HTR7: variants seen among roughly 807,000 people sequenced by gnomAD.
HTR7 encodes 5-hydroxytryptamine receptor 7.
Under a neutral mutation model 34.0 loss-of-function variants are expected in HTR7, and 16 were observed. The observed-to-expected ratio is 0.47, with a 90% CI of 0.32 to 0.71. The LOEUF is 0.71. Ranked by LOEUF, HTR7 falls within the 30% of genes least tolerant of loss-of-function variation. The pLI, the probability that HTR7 is intolerant of heterozygous loss-of-function variation, is 0.04. For synonymous variants in HTR7, 265 were observed against 260.2 expected (o/e 1.02, Z -0.18); for missense variants, 504 against 625.5 (o/e 0.81, Z 2.07).
intron 1 of HTR7, among the ~76,000 whole-genome samples, chr10:90,820,614 C>G (rs953888304): frequency 6.6e-6 from 1 of 152,134 alleles, no homozygotes; most frequent in Non-Finnish European, 1.5e-5. Flanking sequence ...CAGAACAAAA[C>G]GTCAACATAG....
rs1846596834 is a variant in HTR7 at position 90,857,202 on chromosome 10, A to G, written c.470T>C (p.Val157Ala). ...GCACATGACGTCCATGGCGATGAAG[A>G]CATTACAGAAAAAGTGTCCAAAGAT... ...KWIFGHFFCNVFIAMDVMCCT... is the reference protein window; with the variant it reads ...KWIFGHFFCNAFIAMDVMCCT... The change falls in exon 1 of 4, where the codon GTC becomes GCC. Residue 157 changes from valine (V) to alanine (A), a missense_variant. Coordinates refer to ENST00000336152, the MANE Select transcript of HTR7 (RefSeq NM_019859.4). The surrounding 1 kb of genome is among the most constrained non-coding windows in gnomAD (Gnocchi z 6.5). 1.2e-6 allele frequency: 2 copies of G among 1,613,932 alleles called. No homozygotes were observed. The highest frequency in any genetic ancestry group is 2.7e-5 in the African/African-American group (2 of 74,916).
At chr10:90,816,965 G>T (rs943073000) in intron 1 of HTR7, among the ~76,000 whole-genome samples, 11 of 152,118 alleles carry the variant, frequency 7.2e-5, no homozygotes. Flanking sequence ...ATGCCATCTG[G>T]CCTAGAACAC....
At chr10:90,770,882 G>A (rs372532234) in intron 1 of HTR7, among the ~76,000 whole-genome samples, 41 of 152,182 alleles carry the variant, frequency 2.7e-4, no homozygotes, top group Non-Finnish European at 3.5e-4. Flanking sequence ...TGGGGCTCAC[G>A]CTGCCAGTCC....
chr10:90,823,432 C>T (rs1017347032), intron 1 of HTR7, among the ~76,000 whole-genome samples: 7 of 152,202 alleles, frequency 4.6e-5, no homozygotes, highest in African/African-American at 1.7e-4. Context: ...GCTGATTTCT[C>T]CCGCTTGGAA....
Position 90,749,054 on chromosome 10 carries a change from G to A in HTR7, c.1080C>T (p.Cys360=), listed in dbSNP as rs1247743802. 1.2e-6 allele frequency: 2 copies of A among 1,613,932 alleles called. No homozygotes were observed. The highest frequency in any genetic ancestry group is 4.5e-5 in the East Asian group (2 of 44,898). ...ATGTCCTCTCCACCCACAGTGGGAT[G>A]CAGCTGCAGGAAGTGCCACAGATGA... ...RPFICGTSCS[C]IPLWVERTFL... The change falls in exon 2 of 4, where the codon TGC becomes TGT. Residue 360 remains cysteine, a synonymous_variant. Coordinates refer to ENST00000336152, the MANE Select transcript of HTR7 (RefSeq NM_019859.4). The surrounding 1 kb of genome is among the most constrained non-coding windows in gnomAD (Gnocchi z 4.2).
At chr10:90,813,074 G>A (rs1433215594) in intron 1 of HTR7, among the ~76,000 whole-genome samples, 9 of 147,052 alleles carry the variant, frequency 6.1e-5, no homozygotes, top group Admixed American at 4.8e-4. Context: ...ACTCCTGCCC[G>A]CCAGAGAACA....
chr10:90,755,814 G>A (rs1194260122), intron 1 of HTR7, among the ~76,000 whole-genome samples: 4 of 152,172 alleles, frequency 2.6e-5, no homozygotes, highest in Non-Finnish European at 5.9e-5. Flanking sequence ...GAAACTATTT[G>A]TAATATCTAT....
At chr10:90,781,682 G>A (rs187528753) in intron 1 of HTR7, among the ~76,000 whole-genome samples, 209 of 152,192 alleles carry the variant, frequency 1.4e-3, no homozygotes, top group African/African-American at 4.9e-3. Flanking sequence ...AAGCTTCTTC[G>A]TTTATTTATC....
chr10:90,759,328 A>T (rs1384647873), intron 1 of HTR7, among the ~76,000 whole-genome samples: 2 of 152,120 alleles, frequency 1.3e-5, no homozygotes, highest in South Asian at 2.1e-4. Flanking sequence ...AATAAAATCC[A>T]TCCAACTAAA....
chr10:90,854,411 C>T (rs1846548531), intron 1 of HTR7, among the ~76,000 whole-genome samples: 1 of 152,066 alleles, frequency 6.6e-6, no homozygotes, highest in African/African-American at 2.4e-5. Flanking sequence ...AAAGACCATC[C>T]ATGAAGAAAC....
At chr10:90,833,570 T>C (rs1233203852) in intron 1 of HTR7, among the ~76,000 whole-genome samples, 1 of 152,234 alleles carries the variant, frequency 6.6e-6, no homozygotes, top group Non-Finnish European at 1.5e-5. Context: ...TTATTATTAA[T>C]CTTACATTGA....
chr10:90,745,091 T>G (rs1844613303), intron 2 of HTR7, among the ~76,000 whole-genome samples: 1 of 152,216 alleles, frequency 6.6e-6, no homozygotes, highest in Admixed American at 6.5e-5. Flanking sequence ...CCCATAGTTT[T>G]TCCTGTCTCC....
In HTR7 at chr10:90,807,770, C is replaced by T. The variant is rs571099719; in HGVS notation, c.539+49363G>A. Among the ~76,000 whole-genome samples, 18 of 152,330 alleles carry T rather than the reference C, an allele frequency of 1.2e-4. No individual in the cohort carries two copies. The South Asian group carries it at 3.5e-3, about 30-fold the overall frequency. On this transcript the variant is annotated intron_variant, in intron 1 of 3. Transcript: ENST00000336152. ...TGCCGTGACTCAGATCGGGGGACCT[C>T]CCTTGGGAGATCAATCCCCTGTCCT...
intron 3 of HTR7, among the ~76,000 whole-genome samples, chr10:90,742,901 GCT>G (rs946278586): frequency 3.9e-5 from 6 of 152,144 alleles, no homozygotes; most frequent in Non-Finnish European, 4.4e-5. Context: ...AATGAGACGT[GCT>G]CTCTCCCTCA....
chr10:90,742,562 T>G (rs762173529), intron 3 of HTR7, 34 bp from the exon 4 acceptor site: 1 of 1,421,214 alleles, frequency 7.0e-7, no homozygotes, highest in South Asian at 1.2e-5. Context: ...AGAAAATAAT[T>G]TAGTAGAACT....
intron 1 of HTR7, among the ~76,000 whole-genome samples, chr10:90,821,153 C>CACACACACAA (rs780768970): frequency 2.0e-5 from 3 of 151,798 alleles, no homozygotes; most frequent in African/African-American, 7.3e-5. Flanking sequence ...CACACACACA[C>CACACACACAA]AAGCACCTTC....
rs1005934124 is a variant in HTR7, at chr10:90,815,560, G to C, written c.539+41573C>G. Among the ~76,000 whole-genome samples, 22 of 152,076 alleles carry C rather than the reference G, an allele frequency of 1.4e-4. 2 individuals are homozygous for C. The South Asian group carries it at 4.6e-3, about 32-fold the overall frequency. ...ATGTGCGGGCAGGAGAACAACACATGCTGGGGCCTTTTGTGGGGGGCCTGA... is the reference window on the plus strand; with the variant it reads ...ATGTGCGGGCAGGAGAACAACACATCCTGGGGCCTTTTGTGGGGGGCCTGA... On this transcript the variant is annotated intron_variant, in intron 1 of 3. Coordinates refer to ENST00000336152, the MANE Select transcript of HTR7 (RefSeq NM_019859.4).
chr10:90,844,723 T>G (rs1846385216), intron 1 of HTR7, among the ~76,000 whole-genome samples: 1 of 36,712 alleles, frequency 2.7e-5, no homozygotes, highest in Non-Finnish European at 4.4e-5. Context: ...TGAGACTCCG[T>G]CTCAAAAAAA....
chr10:90,748,710 A>T, intron 2 of HTR7, 129 bp downstream of exon 2: 1 of 1,039,788 alleles, frequency 9.6e-7, no homozygotes, highest in Non-Finnish European at 1.4e-6. Flanking sequence ...TACTGTTGTC[A>T]ATTCAAATCT....
Sources: allele counts gnomAD v4.1 joint callset (sites outside exome capture counted in the v4.1 genomes callset), GRCh38; gene constraint gnomAD v4.1.1; non-coding constraint Gnocchi (gnomAD v3.1); transcripts MANE v1.5; gene names NCBI Gene and HGNC (gene_info 2026-07-23, HGNC 2026-07-21).